Variants in EPB41L4A observed in about 807,000 individuals in gnomAD.
The protein encoded by EPB41L4A is band 4.1-like protein 4A.
Under a neutral mutation model 108.6 loss-of-function variants are expected in EPB41L4A, and 100 were observed. That is an observed-to-expected ratio of 0.92 (90% CI 0.78 to 1.09). The LOEUF (loss-of-function observed/expected upper bound fraction) is 1.09, where lower values mean the gene tolerates loss of function less well. EPB41L4A is among the 50% of genes least tolerant of loss of function. The probability of loss-of-function intolerance (pLI) is 0.00; values close to 1 mark genes in which losing one functional copy is unlikely to be tolerated. For synonymous variants in EPB41L4A, 319 were observed against 289.0 expected (o/e 1.10, Z -1.05); for missense variants, 1,030 against 842.7 (o/e 1.22, Z -2.75).
intron 15 of EPB41L4A, among the ~76,000 whole-genome samples, chr5:112,202,015 T>C (rs535207498): frequency 6.6e-6 from 1 of 152,292 alleles, no homozygotes; most frequent in Admixed American, 6.5e-5. Flanking sequence ...ACTGCAGAGA[T>C]AGAAAGCCTG....
intron 1 of EPB41L4A, among the ~76,000 whole-genome samples, chr5:112,391,424 C>T (rs1760929159): frequency 6.6e-6 from 1 of 152,154 alleles, no homozygotes. Flanking sequence ...ACAAGAACTA[C>T]ATGACGCATG....
intron 18 of EPB41L4A, chr5:112,175,334 C>T (rs1354360702): frequency 6.6e-6 from 1 of 152,216 alleles, no homozygotes; most frequent in Non-Finnish European, 1.5e-5. Flanking sequence ...TAAACATCAA[C>T]TGTAGCTGAA....
intron 1 of EPB41L4A, among the ~76,000 whole-genome samples, chr5:112,340,478 C>CA (rs1757241631): frequency 6.6e-6 from 1 of 152,178 alleles, no homozygotes; most frequent in Non-Finnish European, 1.5e-5. Flanking sequence ...GCTTTTATCA[C>CA]ACTTCTTATC....
chr5:112,409,785 T>C (rs1762307322), intron 1 of EPB41L4A, among the ~76,000 whole-genome samples: 1 of 152,204 alleles, frequency 6.6e-6, no homozygotes, highest in East Asian at 1.9e-4. Context: ...AGCTAAGGGT[T>C]TCATGTATAG....
At chr5:112,184,791 A>C (rs774565295) in intron 17 of EPB41L4A, among the ~76,000 whole-genome samples, 3 of 152,244 alleles carry the variant, frequency 2.0e-5, no homozygotes, top group Non-Finnish European at 2.9e-5. Flanking sequence ...ACTTGGAAGC[A>C]CAGGCACTTG....
At chr5:112,393,206 C>G (rs1415276685) in intron 1 of EPB41L4A, among the ~76,000 whole-genome samples, 1 of 152,006 alleles carries the variant, frequency 6.6e-6, no homozygotes, top group Non-Finnish European at 1.5e-5. Context: ...CAAACACATT[C>G]AAAAGCTAGC....
chr5:112,341,933 T>C (rs1179370241), intron 1 of EPB41L4A, among the ~76,000 whole-genome samples: 2 of 152,152 alleles, frequency 1.3e-5, no homozygotes, highest in Non-Finnish European at 2.9e-5. Context: ...GAAGACAGTA[T>C]AACAGTATTA....
At chr5:112,239,628 C>T (rs1378947052) in intron 11 of EPB41L4A, 32 bp downstream of exon 11, 4 of 1,398,592 alleles carry the variant, frequency 2.9e-6, no homozygotes, top group Non-Finnish European at 3.0e-6. Flanking sequence ...TATTTACAAA[C>T]ACATCCCCCC....
intron 1 of EPB41L4A, among the ~76,000 whole-genome samples, chr5:112,339,339 T>C (rs912516805): frequency 4.6e-5 from 7 of 151,940 alleles, no homozygotes; most frequent in African/African-American, 1.5e-4. Flanking sequence ...TCCATTATTA[T>C]AGGACTGAAG....
At chr5:112,185,670 C>A (rs1213765658) in intron 17 of EPB41L4A, among the ~76,000 whole-genome samples, 1 of 152,144 alleles carries the variant, frequency 6.6e-6, no homozygotes, top group East Asian at 1.9e-4. Flanking sequence ...GAGCATAATT[C>A]TTTCTCTCAT....
intron 1 of EPB41L4A, among the ~76,000 whole-genome samples, chr5:112,392,194 A>G (rs1706534965): frequency 6.6e-6 from 1 of 152,186 alleles, no homozygotes; most frequent in Admixed American, 6.5e-5. Context: ...AGCTAACATC[A>G]TAATGACAGA....
intron 1 of EPB41L4A, among the ~76,000 whole-genome samples, chr5:112,400,352 T>A (rs1402208424): frequency 1.3e-5 from 2 of 151,880 alleles, no homozygotes; most frequent in African/African-American, 4.8e-5. Context: ...GAGATTTGCG[T>A]AGGGACACAG....
At chr5:112,214,857 AAAG>A (rs1747501193) in intron 12 of EPB41L4A, among the ~76,000 whole-genome samples, 1 of 152,208 alleles carries the variant, frequency 6.6e-6, no homozygotes, top group Admixed American at 6.5e-5. Context: ...CTTTCTAGAT[AAAG>A]TTAAACAGTT....
chr5:112,392,413 A>T (rs1378262035), intron 1 of EPB41L4A, among the ~76,000 whole-genome samples: 1 of 149,446 alleles, frequency 6.7e-6, no homozygotes. Flanking sequence ...AAAAAAAAAA[A>T]AAAAAAAAAA....
chr5:112,259,938 A>G lies in EPB41L4A; in HGVS notation c.684T>C (p.Val228=), dbSNP rs1751381460. The part of the protein sequence containing the change: ...KSEYFLGLTP[V]GVVVYKNKKQ... ...TTTTATTCTTGTACACAACAACACC[A>G]ACCGGAGTTAATCCTAAGAAATACT... The change falls in exon 8 of 23, where the codon GTT becomes GTC. Residue 228 remains valine (V), a synonymous_variant. Coordinates refer to ENST00000261486, the MANE Select transcript of EPB41L4A (RefSeq NM_022140.5). 1 of 1,614,010 alleles carries G rather than the reference A, an allele frequency of 6.2e-7. No individual in the cohort carries two copies. Among genetic ancestry groups the G allele is most frequent in the Non-Finnish European group, 8.5e-7 (1 of 1,179,972 alleles).
chr5:112,292,559 T>C (rs891205937), intron 2 of EPB41L4A, among the ~76,000 whole-genome samples: 1 of 152,196 alleles, frequency 6.6e-6, no homozygotes, highest in South Asian at 2.1e-4. Context: ...ATCTCTCTTA[T>C]TGGAACAGGT....
intron 22 of EPB41L4A, among the ~76,000 whole-genome samples, chr5:112,165,701 CT>C (rs1168893157): frequency 6.6e-6 from 1 of 152,164 alleles, no homozygotes; most frequent in Non-Finnish European, 1.5e-5. Flanking sequence ...CCCTCCTCCT[CT>C]TACTTCCAAG....
At chr5:112,227,139 T>C (rs1309617614) in intron 12 of EPB41L4A, among the ~76,000 whole-genome samples, 1 of 152,130 alleles carries the variant, frequency 6.6e-6, no homozygotes, top group Non-Finnish European at 1.5e-5. Context: ...CTTCACATAG[T>C]ATGCTCTGAC....
At chr5:112,223,174 T>A (rs1748191507) in intron 12 of EPB41L4A, among the ~76,000 whole-genome samples, 4 of 151,860 alleles carry the variant, frequency 2.6e-5, no homozygotes, top group Admixed American at 1.3e-4. Context: ...TCCTGACCTC[T>A]GGTGATCTGC....
Sources: gnomAD v4.1 joint callset for allele counts (sites outside exome capture counted in the v4.1 genomes callset) on GRCh38, gnomAD v4.1.1 for gene constraint, MANE v1.5 for transcripts, NCBI Gene and HGNC (gene_info 2026-07-23, HGNC 2026-07-21) for gene names.